ODF1: variants seen among roughly 807,000 people sequenced by gnomAD.
ODF1 encodes the protein outer dense fiber of sperm tails 1, also known as outer dense fiber protein 1.
ODF1 carries 10 observed loss-of-function variants against 24.0 expected under a neutral mutation model. The observed-to-expected ratio is 0.42, with a 90% confidence interval of 0.26 to 0.71. The LOEUF is 0.71. Ranked by LOEUF, ODF1 falls within the 30% of genes least tolerant of loss-of-function variation. The probability of loss-of-function intolerance (pLI) is 0.28; values close to 1 mark genes in which losing one functional copy is unlikely to be tolerated. For synonymous variants in ODF1, 118 were observed against 121.3 expected (o/e 0.97, Z 0.18); for missense variants, 282 against 307.9 (o/e 0.92, Z 0.63).
chr8:102,551,900 A>G lies in ODF1; in HGVS notation c.173A>G (p.Tyr58Cys), dbSNP rs774239198. 6.2e-7 allele frequency: 1 copy of G among 1,614,106 alleles called. No individual in the cohort carries two copies. The highest frequency in any genetic ancestry group is 2.2e-5 in the East Asian group (1 of 44,866). Residue 58 changes from tyrosine (Y) to cysteine (C), a missense_variant, in exon 1 of 2, where the codon TAT becomes TGT. Physicochemically the swap from Tyr to Cys is radical, Grantham distance 194. Coordinates refer to ENST00000285402, the MANE Select transcript of ODF1 (RefSeq NM_024410.4). ...CACCCATATCCGTACTGCTTGTGCT[A>G]TTCCAAGCGATCACGCTCTTGCGGC... ...DLHPYPYCLC[Y>C]SKRSRSCGLC...
Position 102,555,786 on chromosome 8 carries a change from C to G in ODF1, c.320+3739C>G, listed in dbSNP as rs141511545. 2.7e-3 allele frequency among the ~76,000 whole-genome samples: 408 copies of G among 152,284 alleles called. 11 individuals carry two copies. The East Asian group carries it at 0.047, about 18-fold the overall frequency. ...CTGGCTGGTGAAAGGCTGGCTCTTC[C>G]ACTCCCACTGAGGGGAGCTCTCCCT... On this transcript the variant is annotated intron_variant, in intron 1 of 1. Coordinates refer to ENST00000285402, the MANE Select transcript of ODF1 (RefSeq NM_024410.4).
At chr8:102,556,898 G>A (rs1033998061) in intron 1 of ODF1, among the ~76,000 whole-genome samples, 3 of 152,190 alleles carry the variant, frequency 2.0e-5, no homozygotes, top group Non-Finnish European at 2.9e-5. Flanking sequence ...GCCCCACCTG[G>A]TTCCCTGATA....
At position 102,560,902 on chromosome 8, in the gene ODF1, ATT is replaced by A; in HGVS notation, c.*19_*20del. On this transcript the variant is annotated 3_prime_UTR_variant, in exon 2 of 2. Transcript: ENST00000285402. The stretch of plus-strand genomic sequence containing the variant: ...TTTTGTAAAGTGCGCATAGGAACCC[ATT>A]ACTTAATAGAAGTCAGTTACTCCAG... 1 of 1,581,750 alleles carries A rather than the reference ATT, an allele frequency of 6.3e-7. No homozygotes were observed. The highest frequency in any genetic ancestry group is 1.2e-5 in the South Asian group (1 of 85,772).
intron 1 of ODF1, among the ~76,000 whole-genome samples, chr8:102,558,179 C>T (rs185724571): frequency 5.4e-4 from 82 of 152,278 alleles, no homozygotes; most frequent in Middle Eastern, 3.4e-3. Flanking sequence ...AGGCCGGGCG[C>T]GGTGGCTCAC....
intron 1 of ODF1, among the ~76,000 whole-genome samples, chr8:102,553,405 G>T (rs1031999628): frequency 6.7e-6 from 1 of 148,762 alleles, no homozygotes; most frequent in Middle Eastern, 3.5e-3. Context: ...GATAATTATT[G>T]TCTAGGTCAC....
At chr8:102,559,076 C>G (rs1223565051) in intron 1 of ODF1, among the ~76,000 whole-genome samples, 1 of 149,404 alleles carries the variant, frequency 6.7e-6, no homozygotes, top group Non-Finnish European at 1.5e-5. Flanking sequence ...AAAGACAAAA[C>G]CTTAACATCC....
chr8:102,559,292 T>G (rs1455053035), intron 1 of ODF1, among the ~76,000 whole-genome samples: 2 of 151,600 alleles, frequency 1.3e-5, no homozygotes, highest in African/African-American at 4.9e-5. Flanking sequence ...TTTGCTTTAC[T>G]ACCTCTTGAC....
rs761633484 is a variant in ODF1 at position 102,560,890 on chromosome 8, G to A, written c.*6G>A. 7 of 1,596,600 alleles carry A rather than the reference G, an allele frequency of 4.4e-6. No homozygotes were observed. Among genetic ancestry groups the A allele is most frequent in the South Asian group, 1.1e-5 (1 of 88,610 alleles). ...GTAGGAAGATGATTTTGTAAAGTGC[G>A]CATAGGAACCCATTACTTAATAGAA... On this transcript the variant is annotated 3_prime_UTR_variant, in exon 2 of 2. Coordinates refer to ENST00000285402, the MANE Select transcript of ODF1 (RefSeq NM_024410.4).
In ODF1 at chr8:102,551,925, C is replaced by T. The variant is rs776260918; in HGVS notation, c.198C>T (p.Gly66=). Residue 66 remains glycine, a synonymous_variant, in exon 1 of 2, where the codon GGC becomes GGT. Coordinates refer to ENST00000285402, the MANE Select transcript of ODF1 (RefSeq NM_024410.4). ...LCYSKRSRSC[G]LCDLYPCCLC... ...ATTCCAAGCGATCACGCTCTTGCGG[C>T]CTGTGTGATCTCTACCCATGTTGCC... 1 of 1,614,022 alleles carries T rather than the reference C, an allele frequency of 6.2e-7. No individual in the cohort carries two copies. The highest frequency in any genetic ancestry group is 8.5e-7 in the Non-Finnish European group (1 of 1,180,040).
intron 1 of ODF1, among the ~76,000 whole-genome samples, chr8:102,557,158 A>C (rs772646555): frequency 6.6e-6 from 1 of 152,150 alleles, no homozygotes; most frequent in Non-Finnish European, 1.5e-5. Flanking sequence ...GCTTCTGCAA[A>C]GGAGCTGATT....
intron 1 of ODF1, among the ~76,000 whole-genome samples, chr8:102,555,406 C>T (rs1053428724): frequency 2.0e-5 from 3 of 152,198 alleles, no homozygotes; most frequent in African/African-American, 7.2e-5. Flanking sequence ...TACAGCTGTA[C>T]TCTTTACCGG....
intron 1 of ODF1, among the ~76,000 whole-genome samples, 198 bp from the exon 2 acceptor site, chr8:102,560,254 T>C (rs1449257609): frequency 6.8e-6 from 1 of 147,522 alleles, no homozygotes; most frequent in African/African-American, 2.7e-5. Context: ...TTAACAGCTG[T>C]GTACTTGCGG....
In ODF1 at chr8:102,560,703, G is replaced by A; in HGVS notation, c.572G>A (p.Gly191Glu). The A allele has an allele frequency of 1.9e-6, 3 of 1,613,888 alleles. No homozygotes were observed. The highest frequency in any genetic ancestry group is 2.5e-6 in the Non-Finnish European group (3 of 1,180,008). ...GAGAAGGATGTAACATACTCCTATGGGCTCGGCAGCTGTGTCAAGATCGAG... is the reference window on the plus strand; with the variant it reads ...GAGAAGGATGTAACATACTCCTATGAGCTCGGCAGCTGTGTCAAGATCGAG... Reference protein sequence around the residue: ...VDEKDVTYSYGLGSCVKIESP... With the variant: ...VDEKDVTYSYELGSCVKIESP... The change falls in exon 2 of 2, where the codon GGG (glycine) becomes GAG (glutamate). Residue 191 changes from glycine (G) to glutamate (E), a missense_variant. Gly to Glu is a moderately conservative substitution (Grantham distance 98). Transcript: ENST00000285402.
Position 102,557,796 on chromosome 8 carries a change from G to A in ODF1, c.321-2656G>A, listed in dbSNP as rs113376950. Among the ~76,000 whole-genome samples, 215 of 152,340 alleles carry A rather than the reference G, an allele frequency of 1.4e-3. 2 individuals carry two copies. Among genetic ancestry groups the A allele is most frequent in the African/African-American group, 4.9e-3 (205 of 41,582 alleles). On this transcript the variant is annotated intron_variant, in intron 1 of 1. Transcript: ENST00000285402. ...ATATGAGAAGATCTGAGCTGAACAG[G>A]AGAAGTTTGATTCTCAGACCATGCA...
At chr8:102,556,242 C>T (rs1418612115) in intron 1 of ODF1, among the ~76,000 whole-genome samples, 2 of 152,088 alleles carry the variant, frequency 1.3e-5, no homozygotes, top group Non-Finnish European at 2.9e-5. Flanking sequence ...TGTGTGTGCC[C>T]GAGTCTGGAA....
chr8:102,557,495 C>T (rs1055371376), intron 1 of ODF1, among the ~76,000 whole-genome samples: 1 of 152,138 alleles, frequency 6.6e-6, no homozygotes, highest in Non-Finnish European at 1.5e-5. Flanking sequence ...CCACAGGAGC[C>T]AAAGTGACCA....
At chr8:102,552,966 TAGAC>T (rs1373461839) in intron 1 of ODF1, among the ~76,000 whole-genome samples, 9 of 145,338 alleles carry the variant, frequency 6.2e-5, no homozygotes, top group East Asian at 6.0e-4. Context: ...GAAAAACTGA[TAGAC>T]AGATGACAGA....
At position 102,553,962 on chromosome 8, in the gene ODF1, T is replaced by G. The variant is rs180815532; in HGVS notation, c.320+1915T>G. 8.5e-5 allele frequency among the ~76,000 whole-genome samples: 13 copies of G among 152,318 alleles called. No homozygotes were observed. In the Middle Eastern group the frequency reaches 0.01, roughly 120 times the overall value. ...ATTTCTGGATCTCGGAAATGATAACTCCAAGTCCATTGTAGAAATGACCTC... is the reference window on the plus strand; with the variant it reads ...ATTTCTGGATCTCGGAAATGATAACGCCAAGTCCATTGTAGAAATGACCTC... On this transcript the variant is annotated intron_variant, in intron 1 of 1. Coordinates refer to ENST00000285402, the MANE Select transcript of ODF1 (RefSeq NM_024410.4).
chr8:102,553,021 A>AGATAGAT (rs1563938460), intron 1 of ODF1, among the ~76,000 whole-genome samples: 13 of 26,634 alleles, frequency 4.9e-4, no homozygotes, highest in African/African-American at 1.8e-3. Context: ...GATAGATGAT[A>AGATAGAT]GATAGATAGA....
Sources: allele counts gnomAD v4.1 joint callset (sites outside exome capture counted in the v4.1 genomes callset), GRCh38; gene constraint gnomAD v4.1.1; transcripts MANE v1.5; gene names NCBI Gene and HGNC (gene_info 2026-07-23, HGNC 2026-07-21).